The following DENND2A variants were observed in gnomAD, a reference collection of about 807,000 sequenced individuals.
The protein encoded by DENND2A is DENN domain-containing protein 2A.
In DENND2A, 53 loss-of-function variants were observed where a neutral mutation model predicts 105.3. That is an observed-to-expected ratio of 0.50 (90% CI 0.40 to 0.63). DENND2A has a LOEUF of 0.63. Among genes scored for constraint, DENND2A ranks in the 30% least tolerant of loss-of-function variants. The pLI, the probability that DENND2A is intolerant of heterozygous loss-of-function variation, is 0.00. For missense variants in DENND2A, 1,138 were observed against 1,279.6 expected (o/e 0.89, Z 1.69); for synonymous variants, 522 against 508.4 (o/e 1.03, Z -0.36).
At chr7:140,524,259 C>G (rs1795966418) in intron 16 of DENND2A, among the ~76,000 whole-genome samples, 1 of 152,070 alleles carries the variant, frequency 6.6e-6, no homozygotes, top group Admixed American at 6.6e-5. Flanking sequence ...ATCAGAATGC[C>G]CAGAGAAATT....
intron 1 of DENND2A, among the ~76,000 whole-genome samples, chr7:140,616,533 G>T (rs1800092953): frequency 1.3e-5 from 2 of 152,160 alleles, no homozygotes; most frequent in South Asian, 2.1e-4. Flanking sequence ...ACACAACACA[G>T]TCAGTATACT....
chr7:140,574,821 C>T (rs1169555100), intron 5 of DENND2A, among the ~76,000 whole-genome samples: 1 of 152,024 alleles, frequency 6.6e-6, no homozygotes, highest in Non-Finnish European at 1.5e-5. Context: ...AGTTTGAGAC[C>T]AGCCTGGCCA....
chr7:140,530,008 G>A (rs1267777928), intron 14 of DENND2A, among the ~76,000 whole-genome samples: 1 of 151,094 alleles, frequency 6.6e-6, no homozygotes, highest in Non-Finnish European at 1.5e-5. Context: ...TGTTCCAGTT[G>A]AGCCCAAGAG....
intron 14 of DENND2A, among the ~76,000 whole-genome samples, chr7:140,535,559 C>T (rs1796425913): frequency 6.6e-6 from 1 of 151,656 alleles, no homozygotes; most frequent in African/African-American, 2.4e-5. Flanking sequence ...TGCTGATGTC[C>T]TTCCAGCTTC....
At chr7:140,577,479 C>A (rs111489917) in intron 5 of DENND2A, among the ~76,000 whole-genome samples, 3 of 151,526 alleles carry the variant, frequency 2.0e-5, no homozygotes, top group African/African-American at 7.3e-5. Context: ...CTAACTGCAA[C>A]CTCCACCTCG....
rs1396922790 is a variant in DENND2A at position 140,539,237 on chromosome 7, C to T, written c.2327+5381G>A. Among the ~76,000 whole-genome samples the T allele has an allele frequency of 3.3e-5, 5 of 152,354 alleles. No individual in the cohort carries two copies. The East Asian group carries it at 9.6e-4, about 29-fold the overall frequency. On this transcript the variant is annotated intron_variant, in intron 14 of 19. Coordinates refer to ENST00000496613, the MANE Select transcript of DENND2A (RefSeq NM_015689.5). Reference sequence around the variant, plus strand: ...CACTTCAATTCCCTATGGCTACTTTCCCATAAATCAGACAGATCGAGGTGG... The same window carrying T: ...CACTTCAATTCCCTATGGCTACTTTTCCATAAATCAGACAGATCGAGGTGG...
chr7:140,521,342 C>T (rs147773056), intron 18 of DENND2A, among the ~76,000 whole-genome samples: 6 of 152,030 alleles, frequency 3.9e-5, no homozygotes, highest in African/African-American at 9.6e-5. Context: ...GACATGATCT[C>T]GGCTTATTGC....
chr7:140,544,573 C>A, intron 14 of DENND2A, 45 bp downstream of exon 14: 2 of 1,613,066 alleles, frequency 1.2e-6, no homozygotes, highest in Non-Finnish European at 1.7e-6. Flanking sequence ...GGTCCAAGAG[C>A]GACTGTCATT....
At chr7:140,554,919 T>A (rs1223657354) in intron 12 of DENND2A, among the ~76,000 whole-genome samples, 1 of 152,218 alleles carries the variant, frequency 6.6e-6, no homozygotes, top group Non-Finnish European at 1.5e-5. Context: ...CTGTTATATA[T>A]ACATGACACA....
chr7:140,599,834 A>G (rs1159554059), intron 3 of DENND2A, among the ~76,000 whole-genome samples: 4 of 152,174 alleles, frequency 2.6e-5, no homozygotes, highest in Non-Finnish European at 5.9e-5. Context: ...AGCCAAAAGA[A>G]TCATCCTACA....
chr7:140,565,002 A>G (rs2130587064), intron 9 of DENND2A, among the ~76,000 whole-genome samples: 1 of 152,314 alleles, frequency 6.6e-6, no homozygotes, highest in Middle Eastern at 3.4e-3. Flanking sequence ...TGTGATAGCT[A>G]GAGGAAGGTG....
intron 1 of DENND2A, among the ~76,000 whole-genome samples, chr7:140,624,796 G>A (rs900635180): frequency 6.7e-6 from 1 of 150,002 alleles, no homozygotes; most frequent in Non-Finnish European, 1.5e-5. Context: ...TTTTTTAGAA[G>A]TGAGAAATGT....
chr7:140,518,731 T>C lies in DENND2A; in HGVS notation c.3006A>G (p.Lys1002=), dbSNP rs753236055. The part of the protein sequence containing the change: ...VNKFLKGLGN[K]MKFLHKK ...GTTATTTCTTGTGGAGAAATTTCATTTTATTGCCTAAAAAAAAGGAAAATG... is the reference window on the plus strand; with the variant it reads ...GTTATTTCTTGTGGAGAAATTTCATCTTATTGCCTAAAAAAAAGGAAAATG... Residue 1002 remains lysine (K), a synonymous_variant, in exon 20 of 20, where the codon AAA becomes AAG. Transcript: ENST00000496613. 23 of 1,613,776 alleles carry C rather than the reference T, an allele frequency of 1.4e-5. No homozygotes were observed. The highest frequency in any genetic ancestry group is 3.3e-4 in the Middle Eastern group (2 of 6,062).
intron 5 of DENND2A, among the ~76,000 whole-genome samples, chr7:140,583,430 G>A (rs1798626010): frequency 6.7e-6 from 1 of 150,162 alleles, no homozygotes; most frequent in Admixed American, 6.6e-5. Context: ...CTTCTTAAAG[G>A]ACGCATGATT....
chr7:140,525,636 C>T, intron 16 of DENND2A, 115 bp downstream of exon 16: 9 of 963,400 alleles, frequency 9.3e-6, no homozygotes, highest in Non-Finnish European at 1.3e-5. Context: ...GGTCACACAG[C>T]TCTGCCACCC....
chr7:140,609,457 A>G (rs1441546557), intron 1 of DENND2A, among the ~76,000 whole-genome samples: 2 of 152,150 alleles, frequency 1.3e-5, no homozygotes, highest in Non-Finnish European at 2.9e-5. Context: ...AAGTTGCAGT[A>G]AGCCGAGATC....
rs1801157488 is a variant in DENND2A at position 140,640,443 on chromosome 7, T to A, written c.-248+61A>T. The A allele has an allele frequency of 6.9e-6, 1 of 145,360 alleles. No individual in the cohort carries two copies. Among genetic ancestry groups the A allele is most frequent in the South Asian group, 2.4e-4 (1 of 4,250 alleles). 9.0% of individuals were successfully genotyped at this position (145,360 alleles called of 1,614,324 possible). A position where few individuals can be genotyped will look rare whatever the true frequency, so the allele number is the denominator to read the frequency against. On this transcript the variant is annotated intron_variant, in intron 1 of 19. Transcript: ENST00000496613. The surrounding 1 kb of genome is among the most constrained non-coding windows in gnomAD (Gnocchi z 4.9). ...TTTCCTCCCTCCCCCGCGCGTCCCC[T>A]CCTCCGTCCCCTTTCCCTCCCCAGC...
intron 12 of DENND2A, among the ~76,000 whole-genome samples, chr7:140,552,508 C>T (rs754814384): frequency 4.6e-5 from 7 of 151,926 alleles, no homozygotes; most frequent in East Asian, 1.9e-4. Flanking sequence ...ATCCTCCCAC[C>T]GCTCAGCCTC....
intron 1 of DENND2A, among the ~76,000 whole-genome samples, chr7:140,625,556 C>T (rs2130728978): frequency 6.6e-6 from 1 of 152,146 alleles, no homozygotes; most frequent in African/African-American, 2.4e-5. Flanking sequence ...GTGGCGTGTG[C>T]CTGTAAACTC....
Sources: gnomAD v4.1 joint callset for allele counts (sites outside exome capture counted in the v4.1 genomes callset) on GRCh38, gnomAD v4.1.1 for gene constraint, Gnocchi (gnomAD v3.1) non-coding constraint, MANE v1.5 for transcripts, NCBI Gene and HGNC (gene_info 2026-07-23, HGNC 2026-07-21) for gene names.